NF1: variants seen among roughly 807,000 people sequenced by gnomAD.
The protein encoded by NF1 is neurofibromin 1.
Under a neutral mutation model 325.7 loss-of-function variants are expected in NF1, and 122 were observed. The observed-to-expected ratio is 0.37, with a 90% CI of 0.32 to 0.44. The LOEUF (loss-of-function observed/expected upper bound fraction) is 0.44. Among genes scored for constraint, NF1 ranks in the 20% least tolerant of loss-of-function variants. The pLI, the probability that NF1 is intolerant of heterozygous loss-of-function variation, is 1.00. For synonymous variants in NF1, 1,091 were observed against 1,186.0 expected (o/e 0.92, Z 1.65); for missense variants, 2,140 against 3,415.4 (o/e 0.63, Z 9.31).
At chr17:31,228,511 A>C (rs2067054824) in intron 20 of NF1, among the ~76,000 whole-genome samples, 1 of 152,102 alleles carries the variant, frequency 6.6e-6, no homozygotes, top group African/African-American at 2.4e-5. Flanking sequence ...TAATGTATTC[A>C]CAGAGTTGTG....
At chr17:31,288,503 A>G (rs1387858828) in intron 36 of NF1, among the ~76,000 whole-genome samples, 2 of 150,930 alleles carry the variant, frequency 1.3e-5, no homozygotes, top group Non-Finnish European at 2.9e-5. Flanking sequence ...CATTGCCCAG[A>G]ACTAGTTTTT....
At chr17:31,236,570 G>A (rs1268712003) in intron 29 of NF1, among the ~76,000 whole-genome samples, 1 of 151,886 alleles carries the variant, frequency 6.6e-6, no homozygotes. Flanking sequence ...CTCCTGAGTA[G>A]CTGGGATTAC....
rs1257753591 is a variant in NF1 at position 31,190,279 on chromosome 17, AT to A, written c.888+7615del. 2.6e-5 allele frequency among the ~76,000 whole-genome samples: 4 copies of A among 152,146 alleles called. No homozygotes were observed. The South Asian group carries it at 6.2e-4, about 24-fold the overall frequency. Reference sequence around the variant, plus strand: ...CTCAAAAAACAAAAAAACAAAAAAAATAAAATAGTATTCTCACCCTTTTCTA... The same window carrying A: ...CTCAAAAAACAAAAAAACAAAAAAAAAAAATAGTATTCTCACCCTTTTCTA... On this transcript the variant is annotated intron_variant, in intron 8 of 57. Coordinates refer to ENST00000358273, the MANE Select transcript of NF1 (RefSeq NM_001042492.3).
chr17:31,110,648 G>C (rs1292312582), intron 1 of NF1, among the ~76,000 whole-genome samples: 3 of 152,074 alleles, frequency 2.0e-5, no homozygotes, highest in Non-Finnish European at 4.4e-5. Context: ...TCAGAAAATT[G>C]AAGTTCATCA....
rs776799097 is a variant in NF1, at chr17:31,356,420, G to C, written c.7616-40G>C. ...TAGTGTATTCCCATTTATAGACACT[G>C]TAGTTAATGAACTTGCATATTCTTA... is the stretch of plus-strand genomic sequence containing the variant. On this transcript the variant is annotated intron_variant, in intron 51 of 57. Coordinates refer to ENST00000358273, the MANE Select transcript of NF1 (RefSeq NM_001042492.3). 3.1e-6 allele frequency: 5 copies of C among 1,596,998 alleles called. No individual in the cohort carries two copies. The South Asian group carries it at 5.5e-5, about 18-fold the overall frequency.
chr17:31,291,275 A>G (rs915787492), intron 36 of NF1, among the ~76,000 whole-genome samples: 1 of 152,166 alleles, frequency 6.6e-6, no homozygotes, highest in African/African-American at 2.4e-5. Flanking sequence ...GAATGAATGA[A>G]TGGAGAGACC....
chr17:31,360,799 T>A (rs912181256), intron 57 of NF1, 96 bp downstream of exon 57: 3 of 1,094,298 alleles, frequency 2.7e-6, no homozygotes, highest in Non-Finnish European at 4.2e-6. Flanking sequence ...ATTTTGCTCC[T>A]TTTTCTTATG....
intron 1 of NF1, among the ~76,000 whole-genome samples, chr17:31,148,080 T>C (rs1421891499): frequency 6.6e-6 from 1 of 152,224 alleles, no homozygotes; most frequent in East Asian, 1.9e-4. Flanking sequence ...ATCTTAGTGT[T>C]GCTAATCCCT....
intron 1 of NF1, among the ~76,000 whole-genome samples, chr17:31,127,273 C>T (rs1914963195): frequency 6.6e-6 from 1 of 152,038 alleles, no homozygotes; most frequent in South Asian, 2.1e-4. Flanking sequence ...GTTTTACAGT[C>T]AGTTTATTGA....
At chr17:31,323,227 G>T (rs1041452006) in intron 36 of NF1, among the ~76,000 whole-genome samples, 8 of 151,832 alleles carry the variant, frequency 5.3e-5, no homozygotes, top group Non-Finnish European at 1.2e-4. Context: ...GCAAAATCCT[G>T]TCTCTACAAA....
chr17:31,305,026 G>A (rs1160160922), intron 36 of NF1: 2 of 1,613,916 alleles, frequency 1.2e-6, no homozygotes, highest in Non-Finnish European at 1.7e-6. Flanking sequence ...GTTTTTTTGT[G>A]GGGTTTGTTT....
chr17:31,280,829 CG>C (rs2068104899), intron 36 of NF1, among the ~76,000 whole-genome samples: 1 of 148,516 alleles, frequency 6.7e-6, no homozygotes, highest in South Asian at 2.1e-4. Context: ...TGTATTACTT[CG>C]GGGATTTTTT....
chr17:31,225,062 T>G (rs2066988287), intron 16 of NF1, 33 bp from the exon 17 acceptor site: 1 of 1,611,098 alleles, frequency 6.2e-7, no homozygotes. Flanking sequence ...TTGTCAGTGC[T>G]TCAGTAAAGC....
intron 36 of NF1, among the ~76,000 whole-genome samples, chr17:31,308,286 A>G (rs994697151): frequency 3.3e-5 from 5 of 151,864 alleles, no homozygotes; most frequent in Admixed American, 6.6e-5. Context: ...TACAGTAGGC[A>G]TACACTACCA....
At chr17:31,230,782 GGT>G (rs963698121) in intron 23 of NF1, 58 bp from the exon 24 acceptor site, 48 of 1,243,972 alleles carry the variant, frequency 3.9e-5, no homozygotes, top group Non-Finnish European at 4.8e-5. Flanking sequence ...CGTGACTAAA[GGT>G]GTGTGTGTGG....
At chr17:31,197,193 C>T (rs1379669522) in intron 8 of NF1, among the ~76,000 whole-genome samples, 4 of 151,790 alleles carry the variant, frequency 2.6e-5, no homozygotes, top group East Asian at 3.9e-4. Context: ...TACAGGGACC[C>T]GCCACCATGC....
At chr17:31,096,059 T>C (rs540953291) in intron 1 of NF1, among the ~76,000 whole-genome samples, 3 of 152,236 alleles carry the variant, frequency 2.0e-5, no homozygotes, top group African/African-American at 7.2e-5. Flanking sequence ...ACTGCCTTTT[T>C]TTTTTATTGC....
chr17:31,151,616 A>G (rs909503423), intron 1 of NF1, among the ~76,000 whole-genome samples: 5 of 152,204 alleles, frequency 3.3e-5, no homozygotes, highest in Admixed American at 2.6e-4. Flanking sequence ...GTATTTGCAT[A>G]TAGCCTACAC....
rs970680068 is a variant in NF1, at chr17:31,122,483, C to T, written c.60+27114C>T. On this transcript the variant is annotated intron_variant, in intron 1 of 57. Coordinates refer to ENST00000358273, the MANE Select transcript of NF1 (RefSeq NM_001042492.3). ...TATCTTTGGAGACCCTTCTTCCCAC[C>T]CCCACATCAAAGCAAATGCCCTCAA... Among the ~76,000 whole-genome samples, 4 of 152,128 alleles carry T rather than the reference C, an allele frequency of 2.6e-5. No individual in the cohort carries two copies. The East Asian group carries it at 7.7e-4, about 29-fold the overall frequency.
Sources: gnomAD v4.1 joint callset for allele counts (sites outside exome capture counted in the v4.1 genomes callset) on GRCh38, gnomAD v4.1.1 for gene constraint, MANE v1.5 for transcripts, NCBI Gene and HGNC (gene_info 2026-07-23, HGNC 2026-07-21) for gene names.